PPIP5K2: variants seen among roughly 807,000 people sequenced by gnomAD.
PPIP5K2 encodes diphosphoinositol pentakisphosphate kinase 2.
A neutral mutation model predicts 154.6 loss-of-function variants in PPIP5K2; 105 were observed. The observed-to-expected ratio is 0.68, with a 90% CI of 0.58 to 0.80. PPIP5K2 has a LOEUF of 0.80. Among genes scored for constraint, PPIP5K2 ranks in the 30% least tolerant of loss-of-function variants. The pLI is 0.00. For synonymous variants in PPIP5K2, 480 were observed against 490.3 expected, an observed-to-expected ratio of 0.98 and a Z score of 0.28; for missense variants, 992 against 1,504.6, an observed-to-expected ratio of 0.66 and a Z score of 5.64.
chr5:103,120,573 C>T (rs1788487491), intron 1 of PPIP5K2, 85 bp downstream of exon 1: 1 of 454,544 alleles, frequency 2.2e-6, no homozygotes, highest in East Asian at 7.0e-5. Flanking sequence ...TCTGCTTTGT[C>T]TCCTGTGCTC....
At chr5:103,150,867 T>A (rs1404551096) in intron 8 of PPIP5K2, among the ~76,000 whole-genome samples, 13 of 124,500 alleles carry the variant, frequency 1.0e-4, no homozygotes, top group Middle Eastern at 3.9e-3. Context: ...TTTTTTTTTT[T>A]ATTAACATGG....
chr5:103,173,434 C>G, intron 20 of PPIP5K2, 152 bp downstream of exon 20: 7 of 1,008,822 alleles, frequency 6.9e-6, no homozygotes, highest in Non-Finnish European at 9.8e-6. Flanking sequence ...TAAGTTCCAA[C>G]CAAAGTTATT....
chr5:103,147,729 T>C (rs1793970225), intron 6 of PPIP5K2, among the ~76,000 whole-genome samples: 1 of 151,932 alleles, frequency 6.6e-6, no homozygotes, highest in African/African-American at 2.4e-5. Context: ...TTCTATGTTC[T>C]CTAATATATA....
At chr5:103,124,204 C>T (rs189855968) in intron 1 of PPIP5K2, among the ~76,000 whole-genome samples, 158 of 148,228 alleles carry the variant, frequency 1.1e-3, no homozygotes, top group African/African-American at 3.6e-3. Context: ...GGTGTGAACC[C>T]GGGAGGAGGA....
chr5:103,140,730 G>C (rs974782565), intron 5 of PPIP5K2, among the ~76,000 whole-genome samples: 1 of 151,180 alleles, frequency 6.6e-6, no homozygotes. Flanking sequence ...CCAGCTACTC[G>C]GGAGGCTGAG....
intron 19 of PPIP5K2, among the ~76,000 whole-genome samples, chr5:103,171,113 T>A (rs2149691664): frequency 6.6e-6 from 1 of 151,588 alleles, no homozygotes; most frequent in East Asian, 1.9e-4. Context: ...TAGGCTTAAA[T>A]GATGCATATG....
At position 103,210,566 on chromosome 5, in the gene PPIP5K2, G is replaced by T. The variant is rs782020406; in HGVS notation, c.*8932G>T. The T allele has an allele frequency of 1.3e-5, 2 of 151,956 alleles. No homozygotes were observed. Among genetic ancestry groups the T allele is most frequent in the Non-Finnish European group, 2.9e-5 (2 of 67,948 alleles). The allele number at this position is 151,956 out of a possible 1,614,324, so 9.4% of individuals were successfully genotyped here. On this transcript the variant is annotated 3_prime_UTR_variant, in exon 31 of 31. Transcript: ENST00000358359. ...AGCTATGTAGTGGTAGACTATCTGG[G>T]AGACTCTAGAATCTTTACCATTCCC...
intron 17 of PPIP5K2, 86 bp from the exon 18 acceptor site, chr5:103,167,093 C>G: frequency 9.7e-7 from 1 of 1,035,386 alleles, no homozygotes; most frequent in East Asian, 2.8e-5. Context: ...TATTCTCCAG[C>G]TACTGGAAAA....
At chr5:103,163,246 A>T (rs144493439) in intron 17 of PPIP5K2, among the ~76,000 whole-genome samples, 4,766 of 151,860 alleles carry the variant, frequency 0.031, 256 homozygotes, top group African/African-American at 0.11. Flanking sequence ...AGTGTAGCTC[A>T]TTTATTTAGA....
intron 5 of PPIP5K2, among the ~76,000 whole-genome samples, chr5:103,142,246 C>G (rs535984153): frequency 3.9e-5 from 6 of 152,308 alleles, no homozygotes; most frequent in South Asian, 2.1e-4. Context: ...TGCCGGGGGA[C>G]CCAGTACACC....
chr5:103,147,875 T>C, intron 6 of PPIP5K2, 56 bp from the exon 7 acceptor site: 1 of 1,017,544 alleles, frequency 9.8e-7, no homozygotes, highest in Non-Finnish European at 1.5e-6. Flanking sequence ...CATTTTATCA[T>C]AAAAATGAGG....
intron 18 of PPIP5K2, 81 bp downstream of exon 18, chr5:103,167,401 G>A: frequency 8.3e-7 from 1 of 1,209,428 alleles, no homozygotes; most frequent in Non-Finnish European, 1.1e-6. Context: ...CACCAATCTT[G>A]TTGTAAGAAA....
At chr5:103,136,582 G>T (rs894010723) in intron 3 of PPIP5K2, 150 bp from the exon 4 acceptor site, 1 of 577,068 alleles carries the variant, frequency 1.7e-6, no homozygotes, top group Non-Finnish European at 3.1e-6. Flanking sequence ...GTTAAATCAA[G>T]GTTTATGTAT....
At chr5:103,137,003 A>C (rs1562380477) in intron 4 of PPIP5K2, among the ~76,000 whole-genome samples, 181 bp downstream of exon 4, 1 of 152,206 alleles carries the variant, frequency 6.6e-6, no homozygotes. Flanking sequence ...AATTAGGAAG[A>C]TTGATTAATC....
chr5:103,204,907 C>T lies in PPIP5K2; in HGVS notation c.*3273C>T, dbSNP rs1803422130. The T allele has an allele frequency of 6.6e-6, 1 of 151,504 alleles. No homozygotes were observed. The highest frequency in any genetic ancestry group is 2.4e-5 in the African/African-American group (1 of 41,162). 9.4% of individuals were successfully genotyped at this position (151,504 alleles called of 1,614,324 possible). A position where few individuals can be genotyped will look rare whatever the true frequency, so the allele number is the denominator to read the frequency against. On this transcript the variant is annotated 3_prime_UTR_variant, in exon 31 of 31. Transcript: ENST00000358359. ...TTCTAGGGTACATGTGCACAATGTG[C>T]AGGTTTGTTACATAGGTATACATGT... is the stretch of plus-strand genomic sequence containing the variant.
intron 17 of PPIP5K2, 28 bp from the exon 18 acceptor site, chr5:103,167,151 A>G (rs781909707): frequency 5.0e-5 from 73 of 1,458,640 alleles, no homozygotes; most frequent in Non-Finnish European, 6.6e-5. Flanking sequence ...ATAACCAGAT[A>G]TAAAATATAT....
rs1554220379 is a variant in PPIP5K2 at position 103,174,465 on chromosome 5, AGT to A, written c.2529+494_2529+495del. On this transcript the variant is annotated intron_variant, in intron 21 of 30. Transcript: ENST00000358359. ...TTCTCTTAGAGTCTCATGAGGTTGT[AGT>A]CAGACAGTGGCTGGGTCTCAAATAA... 3.3e-5 allele frequency among the ~76,000 whole-genome samples: 5 copies of A among 152,126 alleles called. No individual in the cohort carries two copies. In the East Asian group the frequency reaches 5.8e-4, roughly 18 times the overall value.
At position 103,187,417 on chromosome 5, in the gene PPIP5K2, A is replaced by G. The variant is rs781813045; in HGVS notation, c.3352+41A>G. ...ATTTTAAAAGATACTCCCCTGCTTC[A>G]TCCCTTTTTTATTTTTATTTTATTT... On this transcript the variant is annotated intron_variant, in intron 28 of 30. Coordinates refer to ENST00000358359, the MANE Select transcript of PPIP5K2 (RefSeq NM_001276277.3). The G allele has an allele frequency of 2.2e-6, 3 of 1,394,968 alleles. No homozygotes were observed. The South Asian group carries it at 3.8e-5, about 18-fold the overall frequency. 86.4% of individuals were successfully genotyped at this position (1,394,968 alleles called of 1,614,324 possible).
At chr5:103,176,027 A>G (rs1554220866) in intron 21 of PPIP5K2, among the ~76,000 whole-genome samples, 1 of 152,042 alleles carries the variant, frequency 6.6e-6, no homozygotes, top group Non-Finnish European at 1.5e-5. Context: ...GTAATTTTTA[A>G]TTATTCAGAA....
Sources: allele counts gnomAD v4.1 joint callset (sites outside exome capture counted in the v4.1 genomes callset), GRCh38; gene constraint gnomAD v4.1.1; transcripts MANE v1.5; gene names NCBI Gene and HGNC (gene_info 2026-07-23, HGNC 2026-07-21).